Variants in FHOD3 observed in about 807,000 individuals in gnomAD.
FHOD3 encodes the protein formin homology 2 domain containing 3.
In FHOD3, 90 loss-of-function variants were observed where a neutral mutation model predicts 173.0. The ratio of observed to expected loss-of-function variants is 0.52; its 90% confidence interval spans 0.44 to 0.62. The LOEUF (loss-of-function observed/expected upper bound fraction) is 0.62, where lower values mean the gene tolerates loss of function less well. Ranked by LOEUF, FHOD3 falls within the 20% of genes least tolerant of loss-of-function variation. FHOD3 has a pLI of 0.00. For missense variants in FHOD3, 1,945 were observed against 2,034.7 expected (o/e 0.96, Z 0.85); for synonymous variants, 828 against 823.0 (o/e 1.01, Z -0.10).
At chr18:36,370,758 TC>T (rs2047143160) in intron 2 of FHOD3, among the ~76,000 whole-genome samples, 1 of 152,186 alleles carries the variant, frequency 6.6e-6, no homozygotes, top group Non-Finnish European at 1.5e-5. Context: ...TTACAGAAAA[TC>T]CTTGAGATTG....
intron 16 of FHOD3, among the ~76,000 whole-genome samples, chr18:36,691,913 G>C (rs1475304280): frequency 6.6e-6 from 1 of 152,230 alleles, no homozygotes; most frequent in Non-Finnish European, 1.5e-5. Context: ...TTTGAAAACA[G>C]ACATACACAT....
chr18:36,315,397 C>T (rs921057286), intron 1 of FHOD3, among the ~76,000 whole-genome samples: 2 of 152,072 alleles, frequency 1.3e-5, no homozygotes, highest in Non-Finnish European at 2.9e-5. Context: ...CAGATTTGCT[C>T]CCTGTGACCA....
At position 36,654,907 on chromosome 18, in the gene FHOD3, G is replaced by T. The variant is rs1307900016; in HGVS notation, c.1721+1491G>T. On this transcript the variant is annotated intron_variant, in intron 13 of 28. Coordinates refer to ENST00000590592, the MANE Select transcript of FHOD3 (RefSeq NM_001281740.3). Reference sequence around the variant, plus strand: ...TTGGAAGGAGAAGCTGGAAAGGACTGGGAGACCCTAGGAGCAGCATGGGAA... The same window carrying T: ...TTGGAAGGAGAAGCTGGAAAGGACTTGGAGACCCTAGGAGCAGCATGGGAA... 4.6e-5 allele frequency among the ~76,000 whole-genome samples: 7 copies of T among 152,140 alleles called. No homozygotes were observed. In the East Asian group the frequency reaches 9.6e-4, roughly 21 times the overall value.
chr18:36,389,713 A>G (rs2000661), intron 3 of FHOD3, among the ~76,000 whole-genome samples: 66,919 of 151,942 alleles, frequency 0.44, 15,192 homozygotes, highest in East Asian at 0.68. Context: ...GGAGCCCAAC[A>G]CCCTGCTCTT....
At chr18:36,699,540 G>C (rs2039466277) in intron 17 of FHOD3, among the ~76,000 whole-genome samples, 1 of 152,200 alleles carries the variant, frequency 6.6e-6, no homozygotes, top group Admixed American at 6.5e-5. Flanking sequence ...GACAATGACT[G>C]AGACTGGGGA....
At chr18:36,714,623 G>A (rs2040351446) in intron 18 of FHOD3, among the ~76,000 whole-genome samples, 1 of 152,202 alleles carries the variant, frequency 6.6e-6, no homozygotes, top group Admixed American at 6.5e-5. Context: ...TGGAGAAAGA[G>A]CAAGGCTGTC....
At chr18:36,496,277 C>A (rs1003125845) in intron 3 of FHOD3, among the ~76,000 whole-genome samples, 1 of 152,176 alleles carries the variant, frequency 6.6e-6, no homozygotes, top group African/African-American at 2.4e-5. Context: ...TGAACCACAT[C>A]AAAGGGCTGT....
chr18:36,527,765 G>C (rs2056593887), intron 5 of FHOD3, among the ~76,000 whole-genome samples: 1 of 151,980 alleles, frequency 6.6e-6, no homozygotes, highest in Non-Finnish European at 1.5e-5. Context: ...CTCTATTCTG[G>C]ATCTATATTT....
intron 10 of FHOD3, among the ~76,000 whole-genome samples, chr18:36,630,232 A>G (rs1030726725): frequency 3.9e-5 from 6 of 152,212 alleles, no homozygotes; most frequent in Non-Finnish European, 8.8e-5. Context: ...ACACAGATCT[A>G]TAGAATATAT....
chr18:36,612,681 A>G (rs1247477826), intron 9 of FHOD3, among the ~76,000 whole-genome samples: 1 of 152,224 alleles, frequency 6.6e-6, no homozygotes, highest in Non-Finnish European at 1.5e-5. Flanking sequence ...AATTATTACC[A>G]TGAATTTTAC....
chr18:36,494,119 T>C (rs973676826), intron 3 of FHOD3, among the ~76,000 whole-genome samples: 2 of 152,154 alleles, frequency 1.3e-5, no homozygotes, highest in African/African-American at 4.8e-5. Flanking sequence ...AATGTTCTGG[T>C]CTGTCTTTCC....
chr18:36,530,457 G>A lies in FHOD3; in HGVS notation c.511+17914G>A, dbSNP rs138120624. Among the ~76,000 whole-genome samples the A allele has an allele frequency of 2.6e-3, 401 of 152,290 alleles. 2 individuals are homozygous for A. The highest frequency in any genetic ancestry group is 6.9e-3 in the African/African-American group (285 of 41,542). On this transcript the variant is annotated intron_variant, in intron 5 of 28. Transcript: ENST00000590592. ...CCCTGCTGCCTAGAACAACACCTTG[G>A]CACAGAGGACTTGTGTTTGTGAGTG...
chr18:36,628,481 C>A (rs2034275592), intron 10 of FHOD3, among the ~76,000 whole-genome samples: 2 of 152,100 alleles, frequency 1.3e-5, no homozygotes, highest in South Asian at 4.2e-4. Flanking sequence ...GCTTAGTCTC[C>A]CTGTAGACTT....
chr18:36,750,630 C>T (rs2042363330), intron 24 of FHOD3, among the ~76,000 whole-genome samples: 1 of 152,168 alleles, frequency 6.6e-6, no homozygotes, highest in Non-Finnish European at 1.5e-5. Context: ...TTGGGTTTTA[C>T]ATTTAAGTCT....
At chr18:36,446,015 G>A (rs1387125384) in intron 3 of FHOD3, among the ~76,000 whole-genome samples, 2 of 152,214 alleles carry the variant, frequency 1.3e-5, no homozygotes, top group East Asian at 3.8e-4. Context: ...GTTGATGAAT[G>A]GATTCCCTGG....
chr18:36,452,842 ATATATGTATGTATG>A (rs1356566456), intron 3 of FHOD3, among the ~76,000 whole-genome samples: 2 of 152,078 alleles, frequency 1.3e-5, no homozygotes, highest in Non-Finnish European at 2.9e-5. Flanking sequence ...GTGTATGTAT[ATATATGTATGTATG>A]TATATGTATG....
At chr18:36,336,530 C>G (rs2045316544) in intron 1 of FHOD3, among the ~76,000 whole-genome samples, 1 of 152,202 alleles carries the variant, frequency 6.6e-6, no homozygotes, top group South Asian at 2.1e-4. Flanking sequence ...CCATCCTCAG[C>G]AACCTTAGAT....
chr18:36,400,337 GTTCTTTCCTGTT>G (rs570456438), intron 3 of FHOD3, among the ~76,000 whole-genome samples: 120 of 152,260 alleles, frequency 7.9e-4, no homozygotes, highest in African/African-American at 2.6e-3. Context: ...TAGAAACGTT[GTTCTTTCCTGTT>G]CCTCTTCTAA....
intron 1 of FHOD3, among the ~76,000 whole-genome samples, chr18:36,304,646 C>T (rs2092043821): frequency 6.6e-6 from 1 of 151,920 alleles, no homozygotes; most frequent in African/African-American, 2.4e-5. Flanking sequence ...TGTAGGGCAT[C>T]TGTCTTTTTA....
Sources: allele counts gnomAD v4.1 joint callset (sites outside exome capture counted in the v4.1 genomes callset), GRCh38; gene constraint gnomAD v4.1.1; transcripts MANE v1.5; gene names NCBI Gene and HGNC (gene_info 2026-07-23, HGNC 2026-07-21).